Variants in STPG4 observed in about 807,000 individuals in gnomAD.
STPG4 encodes the protein sperm-tail PG-rich repeat containing 4.
A neutral mutation model predicts 31.5 loss-of-function variants in STPG4; 41 were observed. The ratio of observed to expected loss-of-function variants is 1.30; its 90% CI spans 1.01 to 1.69. The LOEUF (loss-of-function observed/expected upper bound fraction) is 1.69, where lower values mean the gene tolerates loss of function less well. Among genes scored for constraint, STPG4 ranks in the 40% most tolerant of loss-of-function variants. The pLI is 0.00. For missense variants in STPG4, 375 were observed against 293.4 expected (o/e 1.28, Z -2.03); for synonymous variants, 141 against 103.0 (o/e 1.37, Z -2.24).
At chr2:47,095,112 T>C (rs1256390858) in intron 5 of STPG4, among the ~76,000 whole-genome samples, 1 of 152,258 alleles carries the variant, frequency 6.6e-6, no homozygotes, top group African/African-American at 2.4e-5. Context: ...TCATAAGTCC[T>C]GTGAATTTCC....
Position 47,130,187 on chromosome 2 carries a change from T to C in STPG4, c.464+9A>G. 1 of 1,610,690 alleles carries C rather than the reference T, an allele frequency of 6.2e-7. No homozygotes were observed. Among genetic ancestry groups the C allele is most frequent in the Non-Finnish European group, 8.5e-7 (1 of 1,176,850 alleles). On this transcript the variant is annotated intron_variant, in intron 4 of 6. Coordinates refer to ENST00000445927, the MANE Select transcript of STPG4 (RefSeq NM_001163561.2). ...AGAAAGGCAGCTTATTTAATAAGTA[T>C]ATAATTACCTGGAAGCATATTTGGG... is the stretch of plus-strand genomic sequence containing the variant.
intron 6 of STPG4, among the ~76,000 whole-genome samples, chr2:47,090,008 C>T (rs1183628180): frequency 6.6e-6 from 1 of 152,224 alleles, no homozygotes; most frequent in Non-Finnish European, 1.5e-5. Flanking sequence ...TAATGTGCTG[C>T]TTCCAACTGG....
At chr2:47,121,847 CGTGT>C (rs10538224) in intron 5 of STPG4, among the ~76,000 whole-genome samples, 126 of 144,328 alleles carry the variant, frequency 8.7e-4, no homozygotes, top group Middle Eastern at 6.9e-3. Flanking sequence ...GCCCTCTCCT[CGTGT>C]GTGTGTGTGT....
At chr2:47,101,230 G>A (rs13005206) in intron 5 of STPG4, among the ~76,000 whole-genome samples, 8,339 of 151,756 alleles carry the variant, frequency 0.055, 419 homozygotes, top group African/African-American at 0.11. Context: ...TTTCTGGGAG[G>A]GGGCTCTCTA....
At chr2:47,116,203 T>C (rs989243562) in intron 5 of STPG4, among the ~76,000 whole-genome samples, 3 of 152,228 alleles carry the variant, frequency 2.0e-5, no homozygotes, top group African/African-American at 7.2e-5. Context: ...ATTCAGGCAT[T>C]GTCAACGTGA....
intron 5 of STPG4, among the ~76,000 whole-genome samples, chr2:47,092,369 A>C (rs949522719): frequency 1.3e-5 from 2 of 149,090 alleles, no homozygotes; most frequent in African/African-American, 4.9e-5. Context: ...GTCTCTAAAA[A>C]ATATAAAAAT....
rs1216421336 is a variant in STPG4 at position 47,094,689 on chromosome 2, G to A, written c.520-4315C>T. ...GCCTGGCTTTCAGATGCCAAACCAG[G>A]CTCTGGTGTAACAGGGCTGTCTTGT... On this transcript the variant is annotated intron_variant, in intron 5 of 6. Transcript: ENST00000445927. 2.0e-5 allele frequency among the ~76,000 whole-genome samples: 3 copies of A among 152,152 alleles called. No homozygotes were observed. The South Asian group carries it at 6.2e-4, about 32-fold the overall frequency.
At chr2:47,113,938 G>A (rs75748544) in intron 5 of STPG4, among the ~76,000 whole-genome samples, 1 of 151,888 alleles carries the variant, frequency 6.6e-6, no homozygotes, top group Non-Finnish European at 1.5e-5. Context: ...GGAGGCTGAG[G>A]CAGGAGAATG....
intron 5 of STPG4, among the ~76,000 whole-genome samples, chr2:47,127,252 CTTTTTTTTTTTTTT>C (rs57475505): frequency 4.0e-4 from 23 of 57,476 alleles, no homozygotes; most frequent in African/African-American, 1.3e-3. Flanking sequence ...CAAGCTAATT[CTTTTTTTTTTTTTT>C]TTTTTTTTTT....
intron 5 of STPG4, among the ~76,000 whole-genome samples, chr2:47,126,985 G>A (rs1686378236): frequency 6.6e-6 from 1 of 151,874 alleles, no homozygotes; most frequent in Non-Finnish European, 1.5e-5. Context: ...AATGTCTTGA[G>A]GTGGTCTTAT....
At chr2:47,146,926 G>C (rs372159858) in intron 3 of STPG4, among the ~76,000 whole-genome samples, 3 of 150,724 alleles carry the variant, frequency 2.0e-5, no homozygotes, top group African/African-American at 7.3e-5. Flanking sequence ...CGCTGGAGCT[G>C]AGGAGTTTGA....
At chr2:47,100,535 A>C (rs1354647053) in intron 5 of STPG4, among the ~76,000 whole-genome samples, 1 of 149,648 alleles carries the variant, frequency 6.7e-6, no homozygotes, top group African/African-American at 2.5e-5. Context: ...CAGATAAGAG[A>C]AAAAAAGCAG....
intron 5 of STPG4, among the ~76,000 whole-genome samples, chr2:47,124,903 C>A (rs1249293599): frequency 6.6e-6 from 1 of 152,246 alleles, no homozygotes; most frequent in South Asian, 2.1e-4. Context: ...TACAAGGGTT[C>A]CCTTTTCTCC....
chr2:47,115,627 C>A (rs1686133129), intron 5 of STPG4, among the ~76,000 whole-genome samples: 1 of 148,620 alleles, frequency 6.7e-6, no homozygotes, highest in East Asian at 2.0e-4. Flanking sequence ...GTCTGTTTAT[C>A]TCCATCTCTT....
At chr2:47,132,365 A>T (rs991996209) in intron 3 of STPG4, among the ~76,000 whole-genome samples, 5 of 152,128 alleles carry the variant, frequency 3.3e-5, no homozygotes, top group Admixed American at 2.6e-4. Context: ...AAGAAACAAT[A>T]CCGCTTTTGT....
At chr2:47,118,848 C>T (rs931930333) in intron 5 of STPG4, among the ~76,000 whole-genome samples, 2 of 152,190 alleles carry the variant, frequency 1.3e-5, no homozygotes, top group African/African-American at 4.8e-5. Flanking sequence ...TAGTCAAGAT[C>T]ATTATCAAAG....
chr2:47,104,865 AGCCAGAGGG>A (rs1385256738), intron 5 of STPG4, among the ~76,000 whole-genome samples: 1 of 152,008 alleles, frequency 6.6e-6, no homozygotes, highest in Non-Finnish European at 1.5e-5. Context: ...GCCGAATCTT[AGCCAGAGGG>A]GCCAGGGCCC....
rs1176162765 is a variant in STPG4 at position 47,086,991 on chromosome 2, T to C, written c.*17A>G. 6.4e-7 allele frequency: 1 copy of C among 1,551,442 alleles called. No homozygotes were observed. The highest frequency in any genetic ancestry group is 1.4e-5 in the African/African-American group (1 of 73,058). On this transcript the variant is annotated 3_prime_UTR_variant, in exon 7 of 7. Coordinates refer to ENST00000445927, the MANE Select transcript of STPG4 (RefSeq NM_001163561.2). ...AACGTACTAAACCTCAAAGTAGAGC[T>C]TGGTGCCAAGATCACTTTATTTTAA...
intron 5 of STPG4, among the ~76,000 whole-genome samples, chr2:47,127,636 C>G (rs551368886): frequency 6.6e-6 from 1 of 152,108 alleles, no homozygotes; most frequent in Non-Finnish European, 1.5e-5. Context: ...TATTCTTCAG[C>G]ATGTCAATTG....
Sources: allele counts gnomAD v4.1 joint callset (sites outside exome capture counted in the v4.1 genomes callset), GRCh38; gene constraint gnomAD v4.1.1; transcripts MANE v1.5; gene names NCBI Gene and HGNC (gene_info 2026-07-23, HGNC 2026-07-21).